Variants in ZNF469 observed in about 807,000 individuals in gnomAD.
The protein encoded by ZNF469 is zinc finger protein 469.
ZNF469 carries 1 observed loss-of-function variant against 1.0 expected under a neutral mutation model. The ratio of observed to expected loss-of-function variants is 1.00; its 90% CI spans 0.35 to 4.73. ZNF469 has a LOEUF of 4.73. Among genes scored for constraint, ZNF469 ranks in the 30% most tolerant of loss-of-function variants. The probability of loss-of-function intolerance (pLI) is 0.16; values close to 1 mark genes in which losing one functional copy is unlikely to be tolerated. For synonymous variants in ZNF469, 2,703 were observed against 2,363.4 expected (o/e 1.14, Z -4.17); for missense variants, 6,100 against 5,356.3 (o/e 1.14, Z -4.33).
the ZNF469 span, among the ~76,000 whole-genome samples, chr16:88,270,132 C>A: frequency 2.0e-5 from 3 of 152,186 alleles, no homozygotes; most frequent in African/African-American, 4.8e-5. Context: ...AATGCCAAAT[C>A]TTCATGGACC....
chr16:88,362,404 G>C, the ZNF469 span, among the ~76,000 whole-genome samples: 1 of 152,210 alleles, frequency 6.6e-6, no homozygotes, highest in African/African-American at 2.4e-5. Flanking sequence ...TCAGCCTTGA[G>C]AAGTTTGTTT....
upstream of ZNF469, among the ~76,000 whole-genome samples, chr16:88,380,380 C>CACAGACAT (rs879617867): frequency 1.8e-5 from 2 of 110,166 alleles, no homozygotes; most frequent in Non-Finnish European, 3.2e-5. Flanking sequence ...TGCACTCACA[C>CACAGACAT]GCACTCACAG....
chr16:88,184,537 C>A, the ZNF469 span, among the ~76,000 whole-genome samples: 1 of 152,084 alleles, frequency 6.6e-6, no homozygotes, highest in South Asian at 2.1e-4. Context: ...GTTTTGCCAG[C>A]CTGTGCCTCC....
chr16:88,383,745 C>G (rs950255764), intron 1 of ZNF469, among the ~76,000 whole-genome samples: 4 of 151,882 alleles, frequency 2.6e-5, no homozygotes, highest in Non-Finnish European at 5.9e-5. Flanking sequence ...CCGCGGCGCT[C>G]CGAGCGCGGC....
At chr16:88,360,376 T>C in the ZNF469 span, among the ~76,000 whole-genome samples, 2 of 152,254 alleles carry the variant, frequency 1.3e-5, no homozygotes, top group African/African-American at 4.8e-5. Flanking sequence ...TCGAGCGCCA[T>C]TCAGTGAGGT....
At chr16:88,168,338 G>A in the ZNF469 span, among the ~76,000 whole-genome samples, 1 of 152,172 alleles carries the variant, frequency 6.6e-6, no homozygotes, top group African/African-American at 2.4e-5. This position sits in a 1 kb window ranked among gnomAD's most constrained non-coding sequence, Gnocchi z 4.3. Context: ...TCCAGGCAAA[G>A]TGAACTGGTT....
chr16:88,387,204 C>T (rs967564966), intron 1 of ZNF469, among the ~76,000 whole-genome samples: 8 of 152,202 alleles, frequency 5.3e-5, no homozygotes, highest in Admixed American at 3.9e-4. Flanking sequence ...CATTGCAACC[C>T]CATCCTGCGT....
At chr16:88,366,870 T>A in the ZNF469 span, among the ~76,000 whole-genome samples, 1 of 150,950 alleles carries the variant, frequency 6.6e-6, no homozygotes, top group Admixed American at 6.6e-5. Context: ...ATCAACACCA[T>A]CACCACCACC....
At chr16:88,184,914 C>T in the ZNF469 span, among the ~76,000 whole-genome samples, 1 of 152,184 alleles carries the variant, frequency 6.6e-6, no homozygotes, top group Non-Finnish European at 1.5e-5. Flanking sequence ...CACACTCACA[C>T]AATAGGCTGT....
At chr16:88,342,848 C>A in the ZNF469 span, among the ~76,000 whole-genome samples, 1 of 152,238 alleles carries the variant, frequency 6.6e-6, no homozygotes. Flanking sequence ...ACCCGTCAAG[C>A]CCTTGTCGGG....
the ZNF469 span, among the ~76,000 whole-genome samples, chr16:88,349,834 C>G: frequency 6.9e-6 from 1 of 145,204 alleles, no homozygotes; most frequent in Non-Finnish European, 1.5e-5. Flanking sequence ...ACACGAGGCA[C>G]CATACACACC....
At chr16:88,372,060 C>CATCACT in the ZNF469 span, among the ~76,000 whole-genome samples, 16 of 6,072 alleles carry the variant, frequency 2.6e-3, no homozygotes, top group African/African-American at 8.0e-3. Flanking sequence ...CCATGATTAC[C>CATCACT]ACCATCATCA....
the ZNF469 span, among the ~76,000 whole-genome samples, chr16:88,239,663 TTTTG>T: frequency 1.1e-5 from 1 of 91,902 alleles, no homozygotes; most frequent in African/African-American, 4.2e-5. Context: ...TATTTTTTTT[TTTTG>T]TATATATATA....
At chr16:88,256,947 T>C in the ZNF469 span, among the ~76,000 whole-genome samples, 2 of 15,742 alleles carry the variant, frequency 1.3e-4, no homozygotes, top group Admixed American at 7.6e-4. Context: ...TCTTTCTTTC[T>C]TTCTTTTCTT....
chr16:88,245,660 T>C, the ZNF469 span, among the ~76,000 whole-genome samples: 1 of 152,238 alleles, frequency 6.6e-6, no homozygotes, highest in Non-Finnish European at 1.5e-5. Flanking sequence ...TCCCCAAGTG[T>C]CCTTCTCCCC....
the ZNF469 span, among the ~76,000 whole-genome samples, chr16:88,199,937 T>C: frequency 6.6e-6 from 1 of 152,296 alleles, no homozygotes; most frequent in African/African-American, 2.4e-5. Context: ...ATGACCCTTC[T>C]CTACCAGGCA....
intron 1 of ZNF469, among the ~76,000 whole-genome samples, chr16:88,415,004 C>G (rs988825342): frequency 6.6e-6 from 1 of 152,184 alleles, no homozygotes. Flanking sequence ...GAGGAGGCAC[C>G]TGCAACAGGG....
rs776625365 is a variant in ZNF469 at position 88,432,418 on chromosome 16, G to A, written c.4948G>A (p.Val1650Ile). 91 of 1,550,012 alleles carry A rather than the reference G, an allele frequency of 5.9e-5. 3 individuals are homozygous for A. The South Asian group carries it at 1.0e-3, about 17-fold the overall frequency. Residue 1650 changes from valine (V) to isoleucine (I), a missense_variant, in exon 3 of 3, where the codon GTT becomes ATT. Transcript: ENST00000565624. ...AESAVATVEA[V>I]QGRPGGTWPC... ...ATCGGCTGTGGCCACCGTGGAAGCGGTTCAGGGGAGGCCTGGGGGGACGTG... is the reference window on the plus strand; with the variant it reads ...ATCGGCTGTGGCCACCGTGGAAGCGATTCAGGGGAGGCCTGGGGGGACGTG...
chr16:88,285,864 T>C, the ZNF469 span, among the ~76,000 whole-genome samples: 3 of 152,226 alleles, frequency 2.0e-5, no homozygotes, highest in Non-Finnish European at 4.4e-5. Flanking sequence ...GGGGCCCTCG[T>C]GCCACTTGGC....
Sources: gnomAD v4.1 joint callset for allele counts (sites outside exome capture counted in the v4.1 genomes callset) on GRCh38, gnomAD v4.1.1 for gene constraint, Gnocchi (gnomAD v3.1) non-coding constraint, MANE v1.5 for transcripts, NCBI Gene and HGNC (gene_info 2026-07-23, HGNC 2026-07-21) for gene names.